CSMD1: variants seen among roughly 807,000 people sequenced by gnomAD.
CSMD1 encodes CUB and sushi domain-containing protein 1.
A neutral mutation model predicts 417.5 loss-of-function variants in CSMD1; 213 were observed. That is an observed-to-expected ratio of 0.51 (90% CI 0.46 to 0.57). The LOEUF is 0.57. Among genes scored for constraint, CSMD1 ranks in the 20% least tolerant of loss-of-function variants. The pLI is 0.00. For synonymous variants in CSMD1, 2,862 were observed against 1,736.8 expected, an observed-to-expected ratio of 1.65 and a Z score of -16.11; for missense variants, 6,923 against 4,529.7, an observed-to-expected ratio of 1.53 and a Z score of -15.17.
At chr8:4,167,888 G>T (rs761434327) in intron 3 of CSMD1, among the ~76,000 whole-genome samples, 1 of 152,084 alleles carries the variant, frequency 6.6e-6, no homozygotes, top group Non-Finnish European at 1.5e-5. Flanking sequence ...AGCACTTTGG[G>T]AGGCTGAGGC....
chr8:4,383,610 C>T (rs1430447), intron 3 of CSMD1, among the ~76,000 whole-genome samples: 60,106 of 151,930 alleles, frequency 0.4, 12,981 homozygotes, highest in Non-Finnish European at 0.49. Context: ...TTAATAAAGA[C>T]GTGCTGATTA....
chr8:4,746,084 G>A lies in CSMD1; in HGVS notation c.86-108526C>T, dbSNP rs148384338. ...TTGTTACTGTCAGCCCCTCACATCA[G>A]AAACCCCGTGACTTCACTTGTGCTC... On this transcript the variant is annotated intron_variant, in intron 1 of 69. Transcript: ENST00000635120. 2.6e-5 allele frequency among the ~76,000 whole-genome samples: 4 copies of A among 152,330 alleles called. No individual in the cohort carries two copies. In the East Asian group the frequency reaches 5.8e-4, roughly 22 times the overall value.
intron 1 of CSMD1, among the ~76,000 whole-genome samples, chr8:4,840,098 C>G (rs535001879): frequency 6.0e-5 from 3 of 50,398 alleles, no homozygotes; most frequent in South Asian, 1.6e-3. Flanking sequence ...GCCTACCTGT[C>G]CACTCACTTA....
chr8:3,473,082 T>G (rs567504196), intron 11 of CSMD1, among the ~76,000 whole-genome samples: 1 of 152,294 alleles, frequency 6.6e-6, no homozygotes, highest in South Asian at 2.1e-4. Context: ...AACGTAATTG[T>G]CATGTAAAAA....
intron 5 of CSMD1, among the ~76,000 whole-genome samples, chr8:3,772,379 T>A (rs201760224): frequency 0.45 from 7,148 of 15,754 alleles, 2,469 homozygotes; most frequent in African/African-American, 0.56. Context: ...ATACATATAT[T>A]CATATATTTA....
Position 3,199,707 on chromosome 8 carries a change from C to G in CSMD1, c.5194+7G>C. 1.3e-6 allele frequency: 2 copies of G among 1,569,196 alleles called. No individual in the cohort carries two copies. The highest frequency in any genetic ancestry group is 1.7e-6 in the Non-Finnish European group (2 of 1,154,112). Reference sequence around the variant, plus strand: ...TGACATGTGGAGACATGTGGAGTGACGCTTACCTTGATACACGAAGTGGAA... The same window carrying G: ...TGACATGTGGAGACATGTGGAGTGAGGCTTACCTTGATACACGAAGTGGAA... On this transcript the variant is annotated splice_region_variant and intron_variant, in intron 33 of 69. Transcript: ENST00000635120.
intron 3 of CSMD1, among the ~76,000 whole-genome samples, chr8:4,309,376 T>G (rs73504623): frequency 0.63 from 96,133 of 151,808 alleles, 31,421 homozygotes; most frequent in East Asian, 0.86. Flanking sequence ...TGTTCTGTAG[T>G]CCCTTAGAGA....
intron 37 of CSMD1, among the ~76,000 whole-genome samples, chr8:3,164,931 T>C (rs961545263): frequency 4.6e-5 from 7 of 152,058 alleles, no homozygotes; most frequent in African/African-American, 1.7e-4. Context: ...TTTTCTCCTT[T>C]CTTGAATTCT....
At chr8:3,433,834 C>T (rs1814382182) in intron 12 of CSMD1, among the ~76,000 whole-genome samples, 1 of 152,216 alleles carries the variant, frequency 6.6e-6, no homozygotes, top group African/African-American at 2.4e-5. Flanking sequence ...CCCGTGGCAG[C>T]TCAGCCATTC....
At chr8:3,298,507 G>C (rs935568311) in intron 25 of CSMD1, among the ~76,000 whole-genome samples, 2 of 152,210 alleles carry the variant, frequency 1.3e-5, no homozygotes, top group African/African-American at 4.8e-5. Context: ...AGGCTGGAGT[G>C]CAATGGAATG....
intron 44 of CSMD1, 125 bp downstream of exon 44, chr8:3,108,478 A>G: frequency 1.0e-6 from 1 of 956,586 alleles, no homozygotes; most frequent in Non-Finnish European, 1.5e-6. Flanking sequence ...CCTCCAGTGC[A>G]AAAGAATCAT....
intron 3 of CSMD1, among the ~76,000 whole-genome samples, chr8:4,075,244 T>A (rs1034525694): frequency 6.6e-6 from 1 of 152,104 alleles, no homozygotes; most frequent in Non-Finnish European, 1.5e-5. Context: ...GGACTTAGGA[T>A]AATCTAAAAA....
chr8:4,491,802 G>A (rs1193123726), intron 2 of CSMD1, among the ~76,000 whole-genome samples: 1 of 152,162 alleles, frequency 6.6e-6, no homozygotes, highest in Non-Finnish European at 1.5e-5. Context: ...CACGTTGGCA[G>A]ACAAGTGGCA....
intron 12 of CSMD1, among the ~76,000 whole-genome samples, chr8:3,455,529 C>A (rs1200814716): frequency 6.6e-6 from 1 of 152,206 alleles, no homozygotes; most frequent in Non-Finnish European, 1.5e-5. Flanking sequence ...TTCCTTCTAA[C>A]AGTCAGGACC....
chr8:4,676,800 C>T (rs1315962055), intron 1 of CSMD1, among the ~76,000 whole-genome samples: 1 of 151,730 alleles, frequency 6.6e-6, no homozygotes, highest in Non-Finnish European at 1.5e-5. Context: ...GCGAGTTGCT[C>T]ATTTTATAAA....
chr8:4,203,961 T>C (rs544081021), intron 3 of CSMD1, among the ~76,000 whole-genome samples: 18 of 152,012 alleles, frequency 1.2e-4, no homozygotes, highest in African/African-American at 3.6e-4. Context: ...ATTAGCCAGG[T>C]GTGGTGGTGC....
intron 5 of CSMD1, among the ~76,000 whole-genome samples, chr8:3,978,596 G>C (rs969742498): frequency 6.6e-6 from 1 of 152,128 alleles, no homozygotes; most frequent in Non-Finnish European, 1.5e-5. Flanking sequence ...ATTGAGGCAT[G>C]TTGGGGGTAA....
intron 3 of CSMD1, among the ~76,000 whole-genome samples, chr8:4,073,682 AT>A (rs1799676125): frequency 6.6e-6 from 1 of 152,156 alleles, no homozygotes; most frequent in Non-Finnish European, 1.5e-5. Context: ...TATTTAGATT[AT>A]TTCTAAGTAA....
chr8:4,286,934 G>T (rs763824519), intron 3 of CSMD1, among the ~76,000 whole-genome samples: 1 of 152,140 alleles, frequency 6.6e-6, no homozygotes, highest in Non-Finnish European at 1.5e-5. Flanking sequence ...TTATTGGATA[G>T]GAGTCAATAA....
Sources: allele counts gnomAD v4.1 joint callset (sites outside exome capture counted in the v4.1 genomes callset), GRCh38; gene constraint gnomAD v4.1.1; transcripts MANE v1.5; gene names NCBI Gene and HGNC (gene_info 2026-07-23, HGNC 2026-07-21).